Variants in PIGU observed in about 807,000 individuals in gnomAD.
The protein encoded by PIGU is GPI-anchor transamidase component PIGU.
PIGU carries 24 observed loss-of-function variants against 49.9 expected under a neutral mutation model. The ratio of observed to expected loss-of-function variants is 0.48; its 90% CI spans 0.35 to 0.68. PIGU has a LOEUF of 0.68. Ranked by LOEUF, PIGU falls within the 30% of genes least tolerant of loss-of-function variation. The probability of loss-of-function intolerance (pLI) is 0.01; values close to 1 mark genes in which losing one functional copy is unlikely to be tolerated. For missense variants in PIGU, 490 were observed against 532.6 expected (o/e 0.92, Z 0.79); for synonymous variants, 220 against 205.7 (o/e 1.07, Z -0.59).
At chr20:34,574,962 A>C in intron 11 of PIGU, 142 bp downstream of exon 11, 1 of 1,123,790 alleles carries the variant, frequency 8.9e-7, no homozygotes. Context: ...GTCCTCACTG[A>C]CTGGGAGCTA....
chr20:34,606,186 C>T (rs1323890335), intron 7 of PIGU, among the ~76,000 whole-genome samples: 9 of 143,632 alleles, frequency 6.3e-5, no homozygotes, highest in Admixed American at 3.7e-4. Context: ...ACCTGAGAGG[C>T]GGAGGTTGCA....
At chr20:34,647,392 G>T (rs1449816145) in intron 2 of PIGU, among the ~76,000 whole-genome samples, 1 of 151,982 alleles carries the variant, frequency 6.6e-6, no homozygotes, top group Admixed American at 6.6e-5. Context: ...CTCCCAAGTA[G>T]CTGGGATTAC....
chr20:34,636,742 G>A (rs1373078363), intron 5 of PIGU, among the ~76,000 whole-genome samples: 1 of 152,166 alleles, frequency 6.6e-6, no homozygotes, highest in Non-Finnish European at 1.5e-5. Context: ...AAACATGCCA[G>A]TGTCTCAGGA....
intron 7 of PIGU, among the ~76,000 whole-genome samples, chr20:34,607,628 G>A (rs561212424): frequency 6.6e-6 from 1 of 152,342 alleles, no homozygotes; most frequent in East Asian, 1.9e-4. Flanking sequence ...TGCCAAACAA[G>A]AGGTTGGGAT....
chr20:34,630,664 AT>A (rs1348407062), intron 6 of PIGU, among the ~76,000 whole-genome samples: 1 of 151,528 alleles, frequency 6.6e-6, no homozygotes, highest in Non-Finnish European at 1.5e-5. Flanking sequence ...TATTATTATT[AT>A]TTTTTTTACA....
At chr20:34,610,459 C>T (rs1158197926) in intron 7 of PIGU, among the ~76,000 whole-genome samples, 8 of 152,092 alleles carry the variant, frequency 5.3e-5, no homozygotes, top group East Asian at 1.9e-4. Context: ...TTCACAATTG[C>T]TACAATGAGA....
At chr20:34,671,780 G>A (rs1987313271) in intron 1 of PIGU, among the ~76,000 whole-genome samples, 1 of 151,984 alleles carries the variant, frequency 6.6e-6, no homozygotes, top group Non-Finnish European at 1.5e-5. Flanking sequence ...TTAGCCAGGT[G>A]TGGTGGCTCA....
chr20:34,627,052 A>G (rs1003831319), intron 6 of PIGU, among the ~76,000 whole-genome samples: 33 of 152,188 alleles, frequency 2.2e-4, no homozygotes, highest in African/African-American at 7.2e-4. Context: ...GGAGTGGTTC[A>G]GAGACCTAGC....
chr20:34,645,203 A>T, intron 3 of PIGU, 72 bp downstream of exon 3: 4 of 1,307,576 alleles, frequency 3.1e-6, no homozygotes, highest in African/African-American at 1.6e-5. Context: ...AAAAAAAAAA[A>T]GAGAGAGAGA....
In PIGU at chr20:34,657,235, C is replaced by T. The variant is rs1195827620; in HGVS notation, c.140G>A (p.Gly47Asp). Residue 47 changes from glycine to aspartate, a missense_variant, in exon 2 of 12, where the codon GGC (glycine) becomes GAC (aspartate). By Grantham distance (94) the Gly-to-Asp change is moderately conservative (BLOSUM62 -1). Coordinates refer to ENST00000217446, the MANE Select transcript of PIGU (RefSeq NM_080476.5). ...PLSSWKRVVE[G>D]LSLLDLGVSP... ...TACTCCCAAGTCCAACAGTGAAAGG[C>T]CTTCAACCACTGAAAAATTAGATAT... 4 of 1,612,116 alleles carry T rather than the reference C, an allele frequency of 2.5e-6. No individual in the cohort carries two copies. The highest frequency in any genetic ancestry group is 1.3e-5 in the African/African-American group (1 of 74,962).
intron 2 of PIGU, 146 bp from the exon 3 acceptor site, chr20:34,645,480 T>C: frequency 2.6e-6 from 3 of 1,171,366 alleles, no homozygotes. Flanking sequence ...CTACGCCAGC[T>C]GGCCGGTGTG....
intron 6 of PIGU, among the ~76,000 whole-genome samples, chr20:34,621,782 G>T (rs1985246238): frequency 6.6e-6 from 1 of 152,220 alleles, no homozygotes; most frequent in African/African-American, 2.4e-5. Flanking sequence ...TCTGGAGTTT[G>T]CTCTATACGA....
At chr20:34,568,128 CGGGAT>C (rs1982853181) in intron 11 of PIGU, among the ~76,000 whole-genome samples, 1 of 152,194 alleles carries the variant, frequency 6.6e-6, no homozygotes, top group African/African-American at 2.4e-5. Flanking sequence ...CCAGGAGTTA[CGGGAT>C]GTGCCTGAGG....
At chr20:34,637,257 C>T (rs770712670) in intron 5 of PIGU, among the ~76,000 whole-genome samples, 5 of 152,132 alleles carry the variant, frequency 3.3e-5, no homozygotes, top group Non-Finnish European at 5.9e-5. Context: ...TCCCTAGAAA[C>T]TGGTATATTA....
chr20:34,667,858 A>G (rs1221594632), intron 1 of PIGU, among the ~76,000 whole-genome samples: 1 of 152,210 alleles, frequency 6.6e-6, no homozygotes. Context: ...ACAAAGGGAA[A>G]CAGTCACTTT....
chr20:34,661,640 A>G (rs6088564), intron 1 of PIGU, among the ~76,000 whole-genome samples: 59,293 of 151,296 alleles, frequency 0.39, 11,952 homozygotes, highest in Admixed American at 0.56. Flanking sequence ...GGTTAATTCC[A>G]TGTCTTTGCT....
Position 34,659,653 on chromosome 20 carries a change from G to A in PIGU, c.131-2409C>T, listed in dbSNP as rs180877354. The stretch of plus-strand genomic sequence containing the variant: ...AAGATTGAGAAATCGGATGGTGGCC[G>A]TGTCTGTATAGAAAGAAGTAGACAT... On this transcript the variant is annotated intron_variant, in intron 1 of 11. Transcript: ENST00000217446. Among the ~76,000 whole-genome samples the A allele has an allele frequency of 7.3e-3, 1,117 of 152,290 alleles. 10 individuals are homozygous for A. The highest frequency in any genetic ancestry group is 0.025 in the African/African-American group (1,027 of 41,558).
rs553040299 is a variant in PIGU at position 34,593,374 on chromosome 20, G to A, written c.628-4767C>T. Among the ~76,000 whole-genome samples, 29 of 147,770 alleles carry A rather than the reference G, an allele frequency of 2.0e-4. No individual in the cohort carries two copies. The South Asian group carries it at 4.2e-3, about 22-fold the overall frequency. ...AAAAAAAGCCACCAAGCCACTTTAC[G>A]TAGATAAAAAGTTCATATGGAAAAA... On this transcript the variant is annotated intron_variant, in intron 7 of 11. Transcript: ENST00000217446.
chr20:34,621,752 CTG>C (rs1198123248), intron 6 of PIGU, among the ~76,000 whole-genome samples: 2 of 152,224 alleles, frequency 1.3e-5, no homozygotes, highest in Non-Finnish European at 2.9e-5. Flanking sequence ...TTTAAACAAA[CTG>C]TGCAATAAGC....
Sources: gnomAD v4.1 joint callset for allele counts (sites outside exome capture counted in the v4.1 genomes callset) on GRCh38, gnomAD v4.1.1 for gene constraint, MANE v1.5 for transcripts, NCBI Gene and HGNC (gene_info 2026-07-23, HGNC 2026-07-21) for gene names.